PTPRT: variants seen among roughly 807,000 people sequenced by gnomAD.
The protein encoded by PTPRT is receptor-type tyrosine-protein phosphatase T.
A neutral mutation model predicts 176.8 loss-of-function variants in PTPRT; 56 were observed. The observed-to-expected ratio is 0.32, with a 90% CI of 0.26 to 0.40. The LOEUF (loss-of-function observed/expected upper bound fraction) is 0.40, where lower values mean the gene tolerates loss of function less well. PTPRT is among the 10% of genes least tolerant of loss of function. The pLI, the probability that PTPRT is intolerant of heterozygous loss-of-function variation, is 1.00. For missense variants in PTPRT, 1,540 were observed against 1,908.2 expected (o/e 0.81, Z 3.60); for synonymous variants, 783 against 739.0 (o/e 1.06, Z -0.96).
chr20:42,860,111 G>T (rs2078636087), intron 2 of PTPRT, among the ~76,000 whole-genome samples: 2 of 152,088 alleles, frequency 1.3e-5, no homozygotes, highest in South Asian at 4.1e-4. Flanking sequence ...ATAGTATGAA[G>T]AACCCACATC....
chr20:42,085,909 A>G, intron 27 of PTPRT, 56 bp from the exon 28 acceptor site: 2 of 1,501,036 alleles, frequency 1.3e-6, no homozygotes, highest in Non-Finnish European at 9.1e-7. Flanking sequence ...CGGGTATCAA[A>G]GTCTCATTTA....
chr20:42,249,429 C>A (rs1029699705), intron 13 of PTPRT, among the ~76,000 whole-genome samples: 1 of 152,198 alleles, frequency 6.6e-6, no homozygotes, highest in Non-Finnish European at 1.5e-5. Flanking sequence ...ATGCAACATG[C>A]TCTACCAGGT....
At chr20:42,201,879 C>T (rs1352505401) in intron 15 of PTPRT, among the ~76,000 whole-genome samples, 2 of 151,316 alleles carry the variant, frequency 1.3e-5, no homozygotes, top group African/African-American at 4.9e-5. Context: ...ACTCTGGAAG[C>T]AGAGAGCACA....
intron 10 of PTPRT, 64 bp from the exon 11 acceptor site, chr20:42,350,794 C>A: frequency 1.7e-6 from 2 of 1,179,892 alleles, no homozygotes; most frequent in Non-Finnish European, 1.3e-6. Context: ...CCCCACCGCC[C>A]CTTGCTGCCA....
intron 2 of PTPRT, among the ~76,000 whole-genome samples, chr20:42,861,204 G>A (rs1472884313): frequency 1.3e-5 from 2 of 152,100 alleles, no homozygotes; most frequent in Non-Finnish European, 2.9e-5. Context: ...TCCTACCATT[G>A]CCCTTCAGAC....
At chr20:42,111,265 C>G (rs979910166) in intron 22 of PTPRT, among the ~76,000 whole-genome samples, 1 of 152,028 alleles carries the variant, frequency 6.6e-6, no homozygotes, top group South Asian at 2.1e-4. Flanking sequence ...CCTGCAGATA[C>G]CCAGAGAACA....
At chr20:42,597,898 A>C (rs1454535033) in intron 7 of PTPRT, among the ~76,000 whole-genome samples, 1 of 152,220 alleles carries the variant, frequency 6.6e-6, no homozygotes, top group Non-Finnish European at 1.5e-5. Context: ...TAATTCTGCC[A>C]ACAGCATATA....
At chr20:43,044,512 G>T (rs545081665) in intron 1 of PTPRT, among the ~76,000 whole-genome samples, 26 of 152,178 alleles carry the variant, frequency 1.7e-4, no homozygotes, top group Non-Finnish European at 7.4e-5. Flanking sequence ...CTGAAAAGGG[G>T]ACTGAAAGAG....
intron 1 of PTPRT, among the ~76,000 whole-genome samples, chr20:43,154,599 T>G (rs1293642223): frequency 6.6e-6 from 1 of 152,218 alleles, no homozygotes; most frequent in Admixed American, 6.5e-5. Flanking sequence ...AATCTTTAGA[T>G]TGCTTTGGGT....
chr20:42,276,496 A>T (rs1258531281), intron 13 of PTPRT, among the ~76,000 whole-genome samples: 3 of 44,204 alleles, frequency 6.8e-5, no homozygotes, highest in African/African-American at 1.5e-4. Context: ...GAAAGAAGGA[A>T]ATATATATAT....
the PTPRT span, among the ~76,000 whole-genome samples, chr20:42,042,098 A>C: frequency 0.44 from 67,402 of 151,970 alleles, 15,709 homozygotes; most frequent in Middle Eastern, 0.57. Context: ...GCTATTACTG[A>C]CTTTTCCTCT....
chr20:42,638,740 C>T (rs559561009), intron 7 of PTPRT, among the ~76,000 whole-genome samples: 1 of 152,084 alleles, frequency 6.6e-6, no homozygotes, highest in African/African-American at 2.4e-5. Context: ...CAAATCTATT[C>T]TTTGTCTAAA....
At chr20:43,184,916 G>A (rs2015353324) in intron 1 of PTPRT, among the ~76,000 whole-genome samples, 1 of 152,080 alleles carries the variant, frequency 6.6e-6, no homozygotes, top group Admixed American at 6.5e-5. Flanking sequence ...TGCCTCTACT[G>A]GCAAATAAAA....
At chr20:43,059,241 A>G (rs748758284) in intron 1 of PTPRT, among the ~76,000 whole-genome samples, 2 of 152,096 alleles carry the variant, frequency 1.3e-5, no homozygotes, top group Non-Finnish European at 2.9e-5. Flanking sequence ...TCTTTTTTTC[A>G]ATATGTATAG....
intron 1 of PTPRT, among the ~76,000 whole-genome samples, chr20:43,175,238 C>T (rs373045051): frequency 2.6e-5 from 4 of 152,326 alleles, no homozygotes; most frequent in Admixed American, 6.5e-5. Context: ...GTCCCCTCCA[C>T]GGGCCCCATG....
chr20:42,966,803 TA>T (rs1057108189), intron 1 of PTPRT, among the ~76,000 whole-genome samples: 54 of 152,348 alleles, frequency 3.5e-4, no homozygotes, highest in African/African-American at 1.3e-3. Flanking sequence ...GAAAAGTTCG[TA>T]AAAATCAAGG....
At chr20:42,990,943 A>C (rs1198827265) in intron 1 of PTPRT, among the ~76,000 whole-genome samples, 1 of 152,208 alleles carries the variant, frequency 6.6e-6, no homozygotes, top group East Asian at 1.9e-4. Context: ...TTTGTTATAC[A>C]AAAAGGAAAG....
chr20:42,586,922 C>T (rs372519553), intron 7 of PTPRT, among the ~76,000 whole-genome samples: 9 of 152,144 alleles, frequency 5.9e-5, no homozygotes, highest in African/African-American at 2.2e-4. Context: ...CAAGTCAGCG[C>T]AGTCATTGGG....
Position 42,157,366 on chromosome 20 carries a change from G to A in PTPRT, c.2682+3986C>T, listed in dbSNP as rs1266753305. On this transcript the variant is annotated intron_variant, in intron 17 of 30. Transcript: ENST00000373187. ...TTCTTTTTCTTTTTTTTTTTTTGGA[G>A]ATGGAGTCTCACTCTGTCCCACAGG... 7.6e-5 allele frequency among the ~76,000 whole-genome samples: 11 copies of A among 144,032 alleles called. 1 individual carries two copies. The highest frequency in any genetic ancestry group is 2.9e-4 in the African/African-American group (11 of 37,906). 94.5% of individuals were successfully genotyped at this position (144,032 alleles called of 152,430 possible). A position where few individuals can be genotyped will look rare whatever the true frequency, so the allele number is the denominator to read the frequency against.
Sources: gnomAD v4.1 joint callset for allele counts (sites outside exome capture counted in the v4.1 genomes callset) on GRCh38, gnomAD v4.1.1 for gene constraint, MANE v1.5 for transcripts, NCBI Gene and HGNC (gene_info 2026-07-23, HGNC 2026-07-21) for gene names.